Variants in ATP2C1 observed in about 807,000 individuals in gnomAD.
ATP2C1 encodes the protein ATPase secretory pathway Ca2+ transporting 1.
Under a neutral mutation model 120.5 loss-of-function variants are expected in ATP2C1, and 31 were observed. That is an observed-to-expected ratio of 0.26 (90% CI 0.19 to 0.35). The LOEUF (loss-of-function observed/expected upper bound fraction) is 0.35. Ranked by LOEUF, ATP2C1 falls within the 10% of genes least tolerant of loss-of-function variation. The pLI, the probability that ATP2C1 is intolerant of heterozygous loss-of-function variation, is 1.00. For missense variants in ATP2C1, 731 were observed against 1,107.5 expected, an observed-to-expected ratio of 0.66 and a Z score of 4.83; for synonymous variants, 351 against 358.7, an observed-to-expected ratio of 0.98 and a Z score of 0.24.
intron 1 of ATP2C1, among the ~76,000 whole-genome samples, chr3:130,887,229 A>C (rs532956878): frequency 1.3e-5 from 2 of 152,224 alleles, no homozygotes; most frequent in Non-Finnish European, 2.9e-5. Flanking sequence ...GTAGAGTGAC[A>C]TACTACCCCC....
At chr3:130,912,938 T>A (rs2058504317) in intron 2 of ATP2C1, among the ~76,000 whole-genome samples, 1 of 150,720 alleles carries the variant, frequency 6.6e-6, no homozygotes, top group African/African-American at 2.4e-5. Flanking sequence ...AAATGATGAG[T>A]TCATGTCCTT....
At chr3:130,927,243 CTTT>C (rs772300672) in intron 2 of ATP2C1, among the ~76,000 whole-genome samples, 2 of 142,468 alleles carry the variant, frequency 1.4e-5, no homozygotes. Context: ...TTTTTTTTAA[CTTT>C]TTTTTTTTTT....
chr3:130,874,096 C>T (rs539374045), intron 1 of ATP2C1, among the ~76,000 whole-genome samples: 82 of 144,966 alleles, frequency 5.7e-4, no homozygotes, highest in African/African-American at 2.0e-3. Flanking sequence ...GGTGACAGAA[C>T]GAGACTCTGT....
chr3:130,858,496 T>C (rs111727496), intron 1 of ATP2C1, among the ~76,000 whole-genome samples: 360 of 152,350 alleles, frequency 2.4e-3, no homozygotes, highest in African/African-American at 8.4e-3. Context: ...CTTGCTTCAT[T>C]ACATCCTTTG....
chr3:130,860,681 A>G (rs573560932), intron 1 of ATP2C1, among the ~76,000 whole-genome samples: 3 of 152,298 alleles, frequency 2.0e-5, no homozygotes, highest in Non-Finnish European at 4.4e-5. Context: ...TTGACCTCAA[A>G]GCCCAATTCA....
chr3:130,940,715 A>G (rs2059853737), intron 7 of ATP2C1, 24 bp downstream of exon 7: 2 of 1,572,730 alleles, frequency 1.3e-6, no homozygotes, highest in African/African-American at 2.7e-5. Context: ...TTTGGTATGG[A>G]TTTCTGCCCC....
At position 130,956,086 on chromosome 3, in the gene ATP2C1, C is replaced by G; in HGVS notation, c.757-18C>G. ...AAATATAGCTAATTGTGGTGACACT[C>G]TTCTTCAATTTATCAAGGCACCAAA... On this transcript the variant is annotated intron_variant, in intron 10 of 27. Transcript: ENST00000510168. 1 of 1,565,528 alleles carries G rather than the reference C, an allele frequency of 6.4e-7. No homozygotes were observed. Among genetic ancestry groups the G allele is most frequent in the Non-Finnish European group, 8.8e-7 (1 of 1,136,494 alleles).
intron 1 of ATP2C1, among the ~76,000 whole-genome samples, chr3:130,867,432 GC>G (rs1269625620): frequency 6.9e-6 from 1 of 144,328 alleles, no homozygotes; most frequent in Non-Finnish European, 1.5e-5. Context: ...GCCTCAGCCT[GC>G]CGAGTGCCGC....
chr3:130,984,979 T>G (rs1288110178), intron 20 of ATP2C1, among the ~76,000 whole-genome samples: 1 of 152,204 alleles, frequency 6.6e-6, no homozygotes. Context: ...AAATAGGTCA[T>G]AAGGGAAATG....
intron 2 of ATP2C1, among the ~76,000 whole-genome samples, chr3:130,897,938 C>T (rs762473551): frequency 3.9e-5 from 6 of 152,120 alleles, no homozygotes; most frequent in East Asian, 3.8e-4. Context: ...AAACAGATCC[C>T]GCTTAGGCAT....
At chr3:131,005,109 CTTTTTTTTTT>C (rs35129703), downstream of ATP2C1, among the ~76,000 whole-genome samples, 8 of 92,640 alleles carry the variant, frequency 8.6e-5, no homozygotes, top group African/African-American at 3.5e-4. Context: ...TTTGAATTGT[CTTTTTTTTTT>C]TTTTTTTTTT....
chr3:130,976,334 T>A (rs74394870), intron 18 of ATP2C1, among the ~76,000 whole-genome samples: 1 of 152,264 alleles, frequency 6.6e-6, no homozygotes, highest in African/African-American at 2.4e-5. Flanking sequence ...AAAGGTACTC[T>A]TACCAGCAGA....
chr3:131,014,405 A>AAAG, intron 26 of ATP2C1: 1 of 1,543,670 alleles, frequency 6.5e-7, no homozygotes, highest in East Asian at 2.3e-5. Flanking sequence ...AAGCAAGAAA[A>AAAG]AAGTATGTTG....
At chr3:130,949,070 C>T (rs562919174) in intron 8 of ATP2C1, among the ~76,000 whole-genome samples, 1 of 152,192 alleles carries the variant, frequency 6.6e-6, no homozygotes, top group Non-Finnish European at 1.5e-5. Context: ...ACAGTGGCCT[C>T]TTAAGTGTTC....
chr3:130,880,260 G>A (rs1189207684), intron 1 of ATP2C1, among the ~76,000 whole-genome samples: 2 of 152,128 alleles, frequency 1.3e-5, no homozygotes, highest in East Asian at 3.8e-4. Flanking sequence ...AGTAGTTGAT[G>A]TAGTAGTTTT....
intron 1 of ATP2C1, among the ~76,000 whole-genome samples, chr3:130,870,919 T>C (rs567650882): frequency 3.6e-4 from 55 of 152,280 alleles, no homozygotes; most frequent in East Asian, 1.4e-3. Flanking sequence ...CACCAAACTT[T>C]ATTATTGTTT....
At chr3:130,921,808 G>C (rs761672106) in intron 2 of ATP2C1, among the ~76,000 whole-genome samples, 5 of 152,142 alleles carry the variant, frequency 3.3e-5, no homozygotes, top group African/African-American at 4.8e-5. Flanking sequence ...TCCCTGGTAT[G>C]AAACCCACTT....
At chr3:130,927,196 G>A (rs189943393) in intron 2 of ATP2C1, among the ~76,000 whole-genome samples, 1 of 151,284 alleles carries the variant, frequency 6.6e-6, no homozygotes, top group Admixed American at 6.6e-5. Context: ...CTAACTGGTA[G>A]TTAAATTTAT....
chr3:130,862,246 G>A (rs1037231582), intron 1 of ATP2C1, among the ~76,000 whole-genome samples: 1 of 151,252 alleles, frequency 6.6e-6, no homozygotes, highest in Non-Finnish European at 1.5e-5. Context: ...GCCTCCCAAA[G>A]TGCTGGGATT....
Sources: allele counts gnomAD v4.1 joint callset (sites outside exome capture counted in the v4.1 genomes callset), GRCh38; gene constraint gnomAD v4.1.1; transcripts MANE v1.5; gene names NCBI Gene and HGNC (gene_info 2026-07-23, HGNC 2026-07-21).